Variants in FCGRT observed in about 807,000 individuals in gnomAD.
The protein encoded by FCGRT is Fc gamma receptor and transporter.
FCGRT carries 13 observed loss-of-function variants against 35.7 expected under a neutral mutation model. The ratio of observed to expected loss-of-function variants is 0.36; its 90% CI spans 0.24 to 0.58. The LOEUF is 0.58. FCGRT is among the 20% of genes least tolerant of loss of function. The probability of loss-of-function intolerance (pLI) is 0.77; values close to 1 mark genes in which losing one functional copy is unlikely to be tolerated. For synonymous variants in FCGRT, 233 were observed against 216.5 expected, an observed-to-expected ratio of 1.08 and a Z score of -0.67; for missense variants, 455 against 474.9, an observed-to-expected ratio of 0.96 and a Z score of 0.39.
chr19:49,525,714 A>G (rs1335106553), intron 6 of FCGRT, 141 bp downstream of exon 6: 5 of 676,146 alleles, frequency 7.4e-6, no homozygotes, highest in Admixed American at 6.8e-5. Context: ...GAGATGGGAG[A>G]ACAGAGGTGC....
chr19:49,521,472 A>G (rs964203290), intron 4 of FCGRT, among the ~76,000 whole-genome samples: 1 of 150,332 alleles, frequency 6.7e-6, no homozygotes, highest in Non-Finnish European at 1.5e-5. Flanking sequence ...CTGGAGGCTG[A>G]GGCAGGAGAA....
Position 49,526,004 on chromosome 19 carries a change from C to T in FCGRT, c.989-6C>T. 2.5e-6 allele frequency: 4 copies of T among 1,584,258 alleles called. No individual in the cohort carries two copies. Among genetic ancestry groups the T allele is most frequent in the African/African-American group, 1.3e-5 (1 of 74,480 alleles). On this transcript the variant is annotated splice_region_variant and splice_polypyrimidine_tract_variant and intron_variant, in intron 6 of 6. Coordinates refer to ENST00000221466, the MANE Select transcript of FCGRT (RefSeq NM_001136019.3). ...TGATGACCTCTCCCTCTCTCTCTCT[C>T]CTCAGCCCCTTGGATCTCCCTTCGT...
Position 49,522,534 on chromosome 19 carries a change from C to T in FCGRT, c.602-1973C>T, listed in dbSNP as rs141989553. 3.1e-3 allele frequency among the ~76,000 whole-genome samples: 476 copies of T among 151,714 alleles called. 1 individual carries two copies. The highest frequency in any genetic ancestry group is 0.011 in the African/African-American group (453 of 41,376). ...GCAACCTCCGCCTTCTGGGTTCAAG[C>T]GATTCTCCTGCCTTAGCCTCCTGAG... On this transcript the variant is annotated intron_variant, in intron 4 of 6. Transcript: ENST00000221466.
At chr19:49,513,848 C>T in intron 2 of FCGRT, 34 bp from the exon 3 acceptor site, 1 of 1,552,248 alleles carries the variant, frequency 6.4e-7, no homozygotes, top group Non-Finnish European at 8.7e-7. Context: ...GTTCCCCGCC[C>T]GTGTGCTCCC....
intron 5 of FCGRT, 27 bp downstream of exon 5, chr19:49,524,803 C>A (rs370192478): frequency 3.8e-6 from 6 of 1,591,886 alleles, no homozygotes; most frequent in South Asian, 2.2e-5. Flanking sequence ...TGGTGATGCT[C>A]CTGGTTTCCC....
intron 4 of FCGRT, among the ~76,000 whole-genome samples, chr19:49,517,203 T>A (rs2080012621): frequency 6.8e-6 from 1 of 147,108 alleles, no homozygotes; most frequent in South Asian, 2.2e-4. Flanking sequence ...AGAAAAAAAA[T>A]ATGGTGGCCA....
At position 49,524,744 on chromosome 19, in the gene FCGRT, C is replaced by T. The variant is rs777748221; in HGVS notation, c.839C>T (p.Ala280Val). ...EHHYCCIVQHAGLAQPLRVEL... is the reference protein window; with the variant it reads ...EHHYCCIVQHVGLAQPLRVEL... ...CACTACTGCTGCATTGTGCAGCACG[C>T]GGGGCTGGCGCAGCCCCTCAGGGTG... The change falls in exon 5 of 7, where the codon GCG becomes GTG. Residue 280 changes from alanine to valine, a missense_variant. Ala to Val is a moderately conservative substitution (Grantham distance 64). This residue lies in a region of FCGRT where 312 missense variants were observed against 296.1 expected (regional missense o/e 1.05). Transcript: ENST00000221466. 35 of 1,600,908 alleles carry T rather than the reference C, an allele frequency of 2.2e-5. No homozygotes were observed. Among genetic ancestry groups the T allele is most frequent in the Admixed American group, 6.7e-5 (4 of 59,978 alleles).
intron 4 of FCGRT, among the ~76,000 whole-genome samples, chr19:49,522,545 C>G (rs2080047465): frequency 6.6e-6 from 1 of 151,736 alleles, no homozygotes; most frequent in Non-Finnish European, 1.5e-5. Context: ...GATTCTCCTG[C>G]CTTAGCCTCC....
In FCGRT at chr19:49,524,697, A is replaced by C. The variant is rs781727671; in HGVS notation, c.792A>C (p.Thr264=). 1.9e-6 allele frequency: 3 copies of C among 1,603,400 alleles called. No homozygotes were observed. The highest frequency in any genetic ancestry group is 2.5e-6 in the Non-Finnish European group (3 of 1,179,926). Reference sequence around the variant, plus strand: ...CCTTCCACGCCTCGTCGTCACTAACAGTCAAAAGTGGCGATGAGCACCACT... The same window carrying C: ...CCTTCCACGCCTCGTCGTCACTAACCGTCAAAAGTGGCGATGAGCACCACT... The part of the protein sequence containing the change: ...DGSFHASSSL[T]VKSGDEHHYC... The change falls in exon 5 of 7, where the codon ACA becomes ACC. Residue 264 remains threonine, a synonymous_variant. Coordinates refer to ENST00000221466, the MANE Select transcript of FCGRT (RefSeq NM_001136019.3).
In FCGRT at chr19:49,514,009, G is replaced by A; in HGVS notation, c.201G>A (p.Glu67=). ...TGAGCTACAATAGCCTGCGGGGCGAGGCGGAGCCCTGTGGAGCTTGGGTCT... is the reference window on the plus strand; with the variant it reads ...TGAGCTACAATAGCCTGCGGGGCGAAGCGGAGCCCTGTGGAGCTTGGGTCT... ...QYLSYNSLRG[E]AEPCGAWVWE... The change falls in exon 3 of 7, where the codon GAG becomes GAA. Residue 67 remains glutamate, a synonymous_variant. Coordinates refer to ENST00000221466, the MANE Select transcript of FCGRT (RefSeq NM_001136019.3). The A allele has an allele frequency of 6.2e-7, 1 of 1,613,286 alleles. No homozygotes were observed. The highest frequency in any genetic ancestry group is 2.2e-5 in the East Asian group (1 of 44,864).
intron 3 of FCGRT, 34 bp from the exon 4 acceptor site, chr19:49,514,177 C>T (rs554566736): frequency 1.9e-6 from 3 of 1,609,704 alleles, no homozygotes; most frequent in Admixed American, 3.4e-5. Context: ...GTCCATGCTC[C>T]GGGGCCCCGC....
Position 49,523,810 on chromosome 19 carries a change from A to C in FCGRT, c.602-697A>C, listed in dbSNP as rs565625589. On this transcript the variant is annotated intron_variant, in intron 4 of 6. Transcript: ENST00000221466. ...AGGAGGCGGAGCTTGCAGTGAGCCG[A>C]GATCGCGCCACTGCACTCCAGCCTG... is the stretch of plus-strand genomic sequence containing the variant. Among the ~76,000 whole-genome samples, 9 of 150,158 alleles carry C rather than the reference A, an allele frequency of 6.0e-5. 1 individual carries two copies. The South Asian group carries it at 1.9e-3, about 32-fold the overall frequency.
At position 49,524,757 on chromosome 19, in the gene FCGRT, G is replaced by A. The variant is rs759663381; in HGVS notation, c.852G>A (p.Gln284=). Residue 284 remains glutamine, a synonymous_variant, in exon 5 of 7, where the codon CAG becomes CAA. Coordinates refer to ENST00000221466, the MANE Select transcript of FCGRT (RefSeq NM_001136019.3). ...TTGTGCAGCACGCGGGGCTGGCGCA[G>A]CCCCTCAGGGTGGAGCTGGGTGAGG... ...CCIVQHAGLA[Q]PLRVELESPA... is the part of the protein sequence containing the mutation. The A allele has an allele frequency of 1.9e-6, 3 of 1,600,518 alleles. No homozygotes were observed. The African/African-American group carries it at 4.0e-5, about 21-fold the overall frequency.
intron 4 of FCGRT, among the ~76,000 whole-genome samples, chr19:49,514,892 A>G (rs969229170): frequency 6.6e-6 from 1 of 150,410 alleles, no homozygotes; most frequent in Non-Finnish European, 1.5e-5. Context: ...GGGTTTCTTC[A>G]TGTTGGTCAG....
Position 49,525,991 on chromosome 19 carries a change from C to CCT in FCGRT, c.989-7_989-6dup, listed in dbSNP as rs753765618. Reference sequence around the variant, plus strand: ...GCCTCAGAGATTCTGATGACCTCTCCCTCTCTCTCTCTCCTCAGCCCCTTG... The same window carrying CCT: ...GCCTCAGAGATTCTGATGACCTCTCCCTCTCTCTCTCTCTCCTCAGCCCCTTG... On this transcript the variant is annotated intron_variant, in intron 6 of 6. Transcript: ENST00000221466. The CCT allele has an allele frequency of 5.3e-5, 78 of 1,461,704 alleles. 1 individual carries two copies. Among genetic ancestry groups the CCT allele is most frequent in the East Asian group, 6.8e-5 (3 of 44,030 alleles). The allele number at this position is 1,461,704 out of a possible 1,614,324, so 90.5% of individuals were successfully genotyped here. A position where few individuals can be genotyped will look rare whatever the true frequency, so the allele number is the denominator to read the frequency against.
rs1349109532 is a variant in FCGRT, at chr19:49,516,671, C to T, written c.601+2185C>T. Among the ~76,000 whole-genome samples the T allele has an allele frequency of 4.6e-5, 7 of 151,892 alleles. 1 individual carries two copies. Among genetic ancestry groups the T allele is most frequent in the Admixed American group, 4.6e-4 (7 of 15,218 alleles). ...TCCCAGGTTCAAGCAATTCTCCTAC[C>T]TCAGCCTCCCGAGTAGCTGGGATTA... is the stretch of plus-strand genomic sequence containing the variant. On this transcript the variant is annotated intron_variant, in intron 4 of 6. Coordinates refer to ENST00000221466, the MANE Select transcript of FCGRT (RefSeq NM_001136019.3).
In FCGRT at chr19:49,514,600, C is replaced by T. The variant is rs947915414; in HGVS notation, c.601+114C>T. 1.4e-5 allele frequency: 14 copies of T among 1,031,754 alleles called. No individual in the cohort carries two copies. In the East Asian group the frequency reaches 2.1e-4, roughly 16 times the overall value. The allele number at this position is 1,031,754 out of a possible 1,614,324, so 63.9% of individuals were successfully genotyped here. A position where few individuals can be genotyped will look rare whatever the true frequency, so the allele number is the denominator to read the frequency against. On this transcript the variant is annotated intron_variant, in intron 4 of 6. Coordinates refer to ENST00000221466, the MANE Select transcript of FCGRT (RefSeq NM_001136019.3). ...CCTCCCACTGCAGCCCACGCTCTGC[C>T]CCCCCATTCCTCAGGGGTCCTTCTA... is the stretch of plus-strand genomic sequence containing the variant.
chr19:49,513,739 C>CG (rs928340796), intron 2 of FCGRT, 143 bp from the exon 3 acceptor site: 1 of 69,770 alleles, frequency 1.4e-5, no homozygotes, highest in African/African-American at 1.3e-4. Context: ...GGTCTCTGTC[C>CG]CCCCCCCCCC....
rs2080063050 is a variant in FCGRT at position 49,524,726 on chromosome 19, G to C, written c.821G>C (p.Cys274Ser). The part of the protein sequence containing the change: ...TVKSGDEHHY[C>S]CIVQHAGLAQ... ...AAAAGTGGCGATGAGCACCACTACT[G>C]CTGCATTGTGCAGCACGCGGGGCTG... is the stretch of plus-strand genomic sequence containing the variant. The change falls in exon 5 of 7, where the codon TGC (cysteine) becomes TCC (serine). Residue 274 changes from cysteine to serine, a missense_variant. Transcript: ENST00000221466. 1.2e-6 allele frequency: 2 copies of C among 1,602,084 alleles called. No homozygotes were observed. The highest frequency in any genetic ancestry group is 1.1e-5 in the South Asian group (1 of 91,078).
Sources: gnomAD v4.1 joint callset for allele counts (sites outside exome capture counted in the v4.1 genomes callset) on GRCh38, gnomAD v4.1.1 for gene constraint, gnomAD v4.1.1 regional missense constraint, MANE v1.5 for transcripts, NCBI Gene and HGNC (gene_info 2026-07-23, HGNC 2026-07-21) for gene names.